Variants in PCDHA10 observed in about 807,000 individuals in gnomAD.
The protein encoded by PCDHA10 is protocadherin alpha-10.
A neutral mutation model predicts 61.2 loss-of-function variants in PCDHA10; 45 were observed. The ratio of observed to expected loss-of-function variants is 0.74; its 90% CI spans 0.58 to 0.94. PCDHA10 has a LOEUF of 0.94. Among genes scored for constraint, PCDHA10 ranks in the 40% least tolerant of loss-of-function variants. The pLI, the probability that PCDHA10 is intolerant of heterozygous loss-of-function variation, is 0.00. For synonymous variants in PCDHA10, 602 were observed against 548.8 expected, an observed-to-expected ratio of 1.10 and a Z score of -1.35; for missense variants, 1,278 against 1,236.2, an observed-to-expected ratio of 1.03 and a Z score of -0.51.
intron 1 of PCDHA10, chr5:140,928,113 G>C: frequency 6.2e-7 from 1 of 1,614,228 alleles, no homozygotes; most frequent in Admixed American, 1.7e-5. Context: ...ACCGGGAGCA[G>C]ATCAGTGAAT....
intron 1 of PCDHA10, chr5:140,884,027 G>C (rs2059948411): frequency 6.2e-7 from 1 of 1,613,258 alleles, no homozygotes; most frequent in Admixed American, 1.7e-5. Context: ...GTCGGTGGGT[G>C]CAGGCCACGT....
intron 1 of PCDHA10, chr5:140,863,089 A>C: frequency 3.5e-6 from 2 of 575,052 alleles, no homozygotes; most frequent in Non-Finnish European, 6.9e-6. Context: ...CGAGATCAGC[A>C]CGACGAGTAC....
chr5:140,860,530 T>C (rs1210536247), intron 1 of PCDHA10: 1 of 152,180 alleles, frequency 6.6e-6, no homozygotes, highest in Non-Finnish European at 1.5e-5. Flanking sequence ...GAATTCTGAT[T>C]TGTAAGACAA....
chr5:140,858,149 G>C lies in PCDHA10; in HGVS notation c.2101G>C (p.Ala701Pro). The change falls in exon 1 of 4, where the codon GCC becomes CCC. Residue 701 changes from alanine to proline, a missense_variant. Physicochemically the swap from Ala to Pro is conservative, Grantham distance 27. Coordinates refer to ENST00000307360, the MANE Select transcript of PCDHA10 (RefSeq NM_018901.4). ...LVDVNVYLIIAICAVSSLLVL... is the reference protein window; with the variant it reads ...LVDVNVYLIIPICAVSSLLVL... Reference sequence around the variant, plus strand: ...GGATGTCAACGTGTACCTGATCATCGCCATCTGCGCGGTGTCCAGCTTGCT... The same window carrying C: ...GGATGTCAACGTGTACCTGATCATCCCCATCTGCGCGGTGTCCAGCTTGCT... 6.3e-7 allele frequency: 1 copy of C among 1,597,572 alleles called. No homozygotes were observed. Among genetic ancestry groups the C allele is most frequent in the Non-Finnish European group, 8.6e-7 (1 of 1,167,388 alleles).
In PCDHA10 at chr5:140,883,789, C is replaced by T. The variant is rs782802452; in HGVS notation, c.2388+25353C>T. ...TGGGCGAGCGTGCGCTGTCGAGCTACGTGTCGGTGCACGCGGAGAGCGGCA... is the reference window on the plus strand; with the variant it reads ...TGGGCGAGCGTGCGCTGTCGAGCTATGTGTCGGTGCACGCGGAGAGCGGCA... On this transcript the variant is annotated intron_variant, in intron 1 of 3. Coordinates refer to ENST00000307360, the MANE Select transcript of PCDHA10 (RefSeq NM_018901.4). 1.4e-5 allele frequency: 22 copies of T among 1,612,296 alleles called. No homozygotes were observed. In the South Asian group the frequency reaches 2.0e-4, roughly 14 times the overall value.
At chr5:140,877,798 CT>C (rs782663782) in intron 1 of PCDHA10, 1 of 1,613,568 alleles carries the variant, frequency 6.2e-7, no homozygotes, top group Non-Finnish European at 8.5e-7. Context: ...CAGCCCAAGC[CT>C]TCAGCTGTCT....
chr5:140,971,537 G>T (rs1414023721), intron 1 of PCDHA10, among the ~76,000 whole-genome samples: 1 of 152,136 alleles, frequency 6.6e-6, no homozygotes, highest in Non-Finnish European at 1.5e-5. Flanking sequence ...AGTCATCATT[G>T]CCAGATCAAC....
Position 140,958,669 on chromosome 5 carries a change from A to G in PCDHA10, c.2389-20280A>G, listed in dbSNP as rs570899981. On this transcript the variant is annotated intron_variant, in intron 1 of 3. Coordinates refer to ENST00000307360, the MANE Select transcript of PCDHA10 (RefSeq NM_018901.4). ...CACAGAAAGCTATGATGAAATTTTA[A>G]TTATAAAGGATATTGAATATCCTAG... Among the ~76,000 whole-genome samples, 3 of 152,316 alleles carry G rather than the reference A, an allele frequency of 2.0e-5. No individual in the cohort carries two copies. In the East Asian group the frequency reaches 5.8e-4, roughly 29 times the overall value.
chr5:140,961,716 G>A (rs2095631233), intron 1 of PCDHA10, among the ~76,000 whole-genome samples: 1 of 152,082 alleles, frequency 6.6e-6, no homozygotes, highest in African/African-American at 2.4e-5. Flanking sequence ...TCATTTCTAA[G>A]TGCTCATAAA....
chr5:140,875,352 T>C lies in PCDHA10; in HGVS notation c.2388+16916T>C, dbSNP rs563345056. ...AATAGGATCGACTCCATAATGACTGTGATGCTGGAAAAAATTTACTAAATA... is the reference window on the plus strand; with the variant it reads ...AATAGGATCGACTCCATAATGACTGCGATGCTGGAAAAAATTTACTAAATA... On this transcript the variant is annotated intron_variant, in intron 1 of 3. Transcript: ENST00000307360. 15 of 1,445,236 alleles carry C rather than the reference T, an allele frequency of 1.0e-5. No individual in the cohort carries two copies. In the African/African-American group the frequency reaches 1.9e-4, roughly 18 times the overall value. The allele number at this position is 1,445,236 out of a possible 1,614,324, so 89.5% of individuals were successfully genotyped here.
Position 141,009,661 on chromosome 5 carries a change from T to G in PCDHA10, c.2571T>G (p.Gly857=), listed in dbSNP as rs1554262260. ...PEAGEVSPPV[G]AGVNSNSWTF... ...CAGGAGAAGTGTCCCCTCCAGTCGG[T>G]GCGGGTGTCAACAGCAACAGCTGGA... The change falls in exon 4 of 4, where the codon GGT becomes GGG. Residue 857 remains glycine (G), a synonymous_variant. Coordinates refer to ENST00000307360, the MANE Select transcript of PCDHA10 (RefSeq NM_018901.4). 1 of 1,614,030 alleles carries G rather than the reference T, an allele frequency of 6.2e-7. No homozygotes were observed.
chr5:140,870,271 C>T (rs2051826884), intron 1 of PCDHA10: 1 of 1,614,176 alleles, frequency 6.2e-7, no homozygotes, highest in Non-Finnish European at 8.5e-7. Flanking sequence ...CTCGCTGACG[C>T]CCCACGTTCC....
At chr5:140,983,142 CTTGGCATGCATG>C (rs1316699573) in intron 3 of PCDHA10, among the ~76,000 whole-genome samples, 4 of 152,212 alleles carry the variant, frequency 2.6e-5, no homozygotes, top group Admixed American at 6.5e-5. Flanking sequence ...CTTTTAGTGC[CTTGGCATGCATG>C]TTGCCAAACA....
At position 140,856,381 on chromosome 5, in the gene PCDHA10, G is replaced by T; in HGVS notation, c.333G>T (p.Arg111Ser). Residue 111 changes from arginine (R) to serine (S), a missense_variant, in exon 1 of 4, where the codon AGG (arginine) becomes AGT (serine). Transcript: ENST00000307360. Reference protein sequence around the residue: ...CSIHLEVIVDRPLQVFHVDVE... With the variant: ...CSIHLEVIVDSPLQVFHVDVE... Reference sequence around the variant, plus strand: ...TCCACCTGGAGGTGATCGTGGACAGGCCGCTGCAGGTTTTCCATGTGGACG... The same window carrying T: ...TCCACCTGGAGGTGATCGTGGACAGTCCGCTGCAGGTTTTCCATGTGGACG... 1.3e-6 allele frequency: 2 copies of T among 1,598,516 alleles called. No homozygotes were observed. Among genetic ancestry groups the T allele is most frequent in the South Asian group, 1.1e-5 (1 of 90,536 alleles).
Position 140,882,079 on chromosome 5 carries a change from G to A in PCDHA10, c.2388+23643G>A. ...CTTACACGTTCATGCGCATGGTGTC[G>A]CTCTTCACTGAGAACGTTTCCGCGA... On this transcript the variant is annotated intron_variant, in intron 1 of 3. Transcript: ENST00000307360. The A allele has an allele frequency of 3.1e-6, 3 of 952,852 alleles. No homozygotes were observed. In the East Asian group the frequency reaches 7.8e-5, roughly 25 times the overall value. 59.0% of individuals were successfully genotyped at this position (952,852 alleles called of 1,614,324 possible). A position where few individuals can be genotyped will look rare whatever the true frequency, so the allele number is the denominator to read the frequency against.
chr5:140,996,799 T>C (rs1372599057), intron 3 of PCDHA10, among the ~76,000 whole-genome samples: 3 of 152,306 alleles, frequency 2.0e-5, no homozygotes, highest in African/African-American at 7.2e-5. Context: ...CTACATCCAA[T>C]CATGCTTTCC....
intron 1 of PCDHA10, among the ~76,000 whole-genome samples, chr5:140,890,820 G>T (rs945332484): frequency 1.3e-5 from 2 of 152,080 alleles, no homozygotes; most frequent in East Asian, 3.9e-4. Flanking sequence ...TGTTTTAAAT[G>T]TACTTACATA....
chr5:140,883,746 C>A (rs1554179687), intron 1 of PCDHA10: 1 of 1,613,326 alleles, frequency 6.2e-7, no homozygotes, highest in Non-Finnish European at 8.5e-7. Context: ...GTCTCCTACT[C>A]GCTGGTGGAG....
chr5:140,992,822 T>G (rs560336634), intron 3 of PCDHA10, among the ~76,000 whole-genome samples: 6 of 152,240 alleles, frequency 3.9e-5, no homozygotes, highest in Admixed American at 3.3e-4. Flanking sequence ...GATGTGTTTG[T>G]TTTTTGGGAA....
Sources: gnomAD v4.1 joint callset for allele counts (sites outside exome capture counted in the v4.1 genomes callset) on GRCh38, gnomAD v4.1.1 for gene constraint, MANE v1.5 for transcripts, NCBI Gene and HGNC (gene_info 2026-07-23, HGNC 2026-07-21) for gene names.